The following PCLO variants were observed in gnomAD, a reference collection of about 807,000 sequenced individuals.
PCLO encodes protein piccolo.
In PCLO, 82 loss-of-function variants were observed where a neutral mutation model predicts 427.5. The observed-to-expected ratio is 0.19, with a 90% CI of 0.16 to 0.23. PCLO has a LOEUF of 0.23. Among genes scored for constraint, PCLO ranks in the 10% least tolerant of loss-of-function variants. The probability of loss-of-function intolerance (pLI) is 1.00; values close to 1 mark genes in which losing one functional copy is unlikely to be tolerated. For synonymous variants in PCLO, 2,357 were observed against 2,155.4 expected (o/e 1.09, Z -2.59); for missense variants, 6,239 against 6,115.9 (o/e 1.02, Z -0.67).
intron 16 of PCLO, among the ~76,000 whole-genome samples, chr7:82,835,006 G>A (rs781095096): frequency 1.3e-4 from 20 of 151,782 alleles, no homozygotes; most frequent in Non-Finnish European, 2.2e-4. Flanking sequence ...GTGCAGGGGT[G>A]CGATCTTGGC....
At chr7:83,107,050 G>A (rs6467930) in intron 3 of PCLO, among the ~76,000 whole-genome samples, 90,083 of 151,808 alleles carry the variant, frequency 0.59, 27,614 homozygotes, top group African/African-American at 0.75. Context: ...ATCTCTTTCA[G>A]ATTCTTTTTT....
At position 82,950,918 on chromosome 7, in the gene PCLO, C is replaced by T; in HGVS notation, c.9670G>A (p.Glu3224Lys). 1 of 1,613,426 alleles carries T rather than the reference C, an allele frequency of 6.2e-7. No homozygotes were observed. The highest frequency in any genetic ancestry group is 1.7e-5 in the Admixed American group (1 of 60,014). The change falls in exon 6 of 25, where the codon GAG (glutamate) becomes AAG (lysine). Residue 3224 changes from glutamate (E) to lysine (K), a missense_variant. By Grantham distance (56) the Glu-to-Lys change is moderately conservative (BLOSUM62 1). Transcript: ENST00000333891. ...LDLERELLEL[E>K]KIKQQRFAEE... The stretch of plus-strand genomic sequence containing the variant: ...GCAAAGCGCTGTTGCTTAATTTTCT[C>T]CAGTTCCAGGAGCTCACGCTCCAAG...
chr7:82,838,929 C>A (rs939646375), intron 14 of PCLO, among the ~76,000 whole-genome samples: 3 of 151,906 alleles, frequency 2.0e-5, no homozygotes, highest in African/African-American at 7.2e-5. Context: ...TACTACAATA[C>A]TCTTTTTTTC....
In PCLO at chr7:82,758,560, AG is replaced by A. The variant is rs1355482621; in HGVS notation, c.*14del. The A allele has an allele frequency of 6.2e-7, 1 of 1,605,640 alleles. No individual in the cohort carries two copies. Among genetic ancestry groups the A allele is most frequent in the South Asian group, 1.1e-5 (1 of 89,888 alleles). ...TATTTAGAGCAGTTTCTATACCCTG[AG>A]AAGACATGTTTCTTCAATGCGTTTG... is the stretch of plus-strand genomic sequence containing the variant. On this transcript the variant is annotated 3_prime_UTR_variant, in exon 25 of 25. Transcript: ENST00000333891.
intron 22 of PCLO, among the ~76,000 whole-genome samples, chr7:82,775,335 A>G (rs2129467936): frequency 6.6e-6 from 1 of 152,310 alleles, no homozygotes; most frequent in East Asian, 1.9e-4. Context: ...AAGTGGCTGT[A>G]CCATTTTGCA....
At chr7:83,072,349 T>A (rs2116360235) in intron 3 of PCLO, among the ~76,000 whole-genome samples, 1 of 152,164 alleles carries the variant, frequency 6.6e-6, no homozygotes, top group South Asian at 2.1e-4. Context: ...CTAACAAAAT[T>A]AGAATAAAAA....
intron 1 of PCLO, among the ~76,000 whole-genome samples, chr7:83,156,755 T>C (rs1239933032): frequency 6.6e-6 from 1 of 152,046 alleles, no homozygotes; most frequent in Non-Finnish European, 1.5e-5. Flanking sequence ...CCTCAATAAA[T>C]CAATACAGAG....
intron 21 of PCLO, among the ~76,000 whole-genome samples, chr7:82,802,700 T>C (rs1046060874): frequency 6.6e-6 from 1 of 152,174 alleles, no homozygotes; most frequent in Admixed American, 6.5e-5. Context: ...TGGGATTTAC[T>C]AACAATTAAT....
intron 6 of PCLO, among the ~76,000 whole-genome samples, chr7:82,943,138 T>C (rs544546935): frequency 3.9e-5 from 6 of 152,154 alleles, no homozygotes; most frequent in Non-Finnish European, 8.8e-5. Context: ...ATTTTAAAAA[T>C]AGCTATCAAA....
At chr7:82,854,781 T>G (rs1792759515) in intron 10 of PCLO, among the ~76,000 whole-genome samples, 1 of 152,158 alleles carries the variant, frequency 6.6e-6, no homozygotes, top group Non-Finnish European at 1.5e-5. Context: ...AAACTCTCAT[T>G]GATTTGGGAT....
rs2115979617 is a variant in PCLO at position 83,009,465 on chromosome 7, A to G, written c.3301-42978T>C. ...TAATTATGAATTCCACCAACTTTAAATAAATGGTTGAAGTATAATGAGAAG... is the reference window on the plus strand; with the variant it reads ...TAATTATGAATTCCACCAACTTTAAGTAAATGGTTGAAGTATAATGAGAAG... On this transcript the variant is annotated intron_variant, in intron 3 of 24. Coordinates refer to ENST00000333891, the MANE Select transcript of PCLO (RefSeq NM_033026.6). 2.6e-5 allele frequency among the ~76,000 whole-genome samples: 4 copies of G among 151,986 alleles called. No individual in the cohort carries two copies. The South Asian group carries it at 8.3e-4, about 31-fold the overall frequency.
intron 22 of PCLO, 53 bp downstream of exon 22, chr7:82,801,465 A>T (rs568349285): frequency 2.8e-4 from 253 of 904,288 alleles, no homozygotes; most frequent in Non-Finnish European, 4.1e-4. Flanking sequence ...TGAAACACTT[A>T]TACTGTAGAA....
chr7:82,979,719 G>A (rs1796105389), intron 3 of PCLO, among the ~76,000 whole-genome samples: 1 of 152,078 alleles, frequency 6.6e-6, no homozygotes, highest in African/African-American at 2.4e-5. Context: ...TTTCACATGT[G>A]TTGTTTGTCT....
At position 83,155,727 on chromosome 7, in the gene PCLO, G is replaced by C. The variant is rs1448558079; in HGVS notation, c.914C>G (p.Pro305Arg). The C allele has an allele frequency of 1.2e-6, 2 of 1,613,998 alleles. No individual in the cohort carries two copies. The highest frequency in any genetic ancestry group is 8.5e-7 in the Non-Finnish European group (1 of 1,179,882). The change falls in exon 2 of 25, where the codon CCT (proline) becomes CGT (arginine). Residue 305 changes from proline (P) to arginine (R), a missense_variant. Around this residue, in one of 5 missense-constraint regions of PCLO, gnomAD observed 4,677 missense variants for 4,468.4 expected, o/e 1.05. Transcript: ENST00000333891. ...TTTTCCAGGAGTTGGTTGCTGAATA[G>C]GTGGTTTGGATGGGCTTGGCAGTGA... The part of the protein sequence containing the change: ...KPSLPSPSKP[P>R]IQQPTPGKPP...
chr7:82,845,615 T>C (rs768941819), intron 12 of PCLO, 130 bp from the exon 13 acceptor site: 5 of 647,574 alleles, frequency 7.7e-6, no homozygotes, highest in Non-Finnish European at 1.1e-5. Flanking sequence ...AAAAATGAAA[T>C]TAACTCTATT....
chr7:82,921,467 C>T, intron 6 of PCLO, among the ~76,000 whole-genome samples: 1 of 151,948 alleles, frequency 6.6e-6, no homozygotes, highest in African/African-American at 2.4e-5. Flanking sequence ...TGATCTTCAA[C>T]AAAGTTGACA....
At chr7:82,851,735 C>G (rs1398756047) in intron 10 of PCLO, among the ~76,000 whole-genome samples, 1 of 152,088 alleles carries the variant, frequency 6.6e-6, no homozygotes, top group Non-Finnish European at 1.5e-5. Flanking sequence ...TTTGAACAAT[C>G]ACTCTCAGGA....
chr7:82,854,868 C>T (rs1277023515), intron 10 of PCLO, among the ~76,000 whole-genome samples: 1 of 152,030 alleles, frequency 6.6e-6, no homozygotes, highest in East Asian at 1.9e-4. Context: ...TTAAAATTAG[C>T]AAAGTGTGGC....
chr7:82,914,401 C>A, intron 7 of PCLO: 1 of 532,122 alleles, frequency 1.9e-6, no homozygotes, highest in African/African-American at 1.9e-5. Flanking sequence ...ATTTTATTGA[C>A]AGAATTATTT....
Sources: gnomAD v4.1 joint callset for allele counts (sites outside exome capture counted in the v4.1 genomes callset) on GRCh38, gnomAD v4.1.1 for gene constraint, gnomAD v4.1.1 regional missense constraint, MANE v1.5 for transcripts, NCBI Gene and HGNC (gene_info 2026-07-23, HGNC 2026-07-21) for gene names.